DDAH1: variants seen among roughly 807,000 people sequenced by gnomAD.
DDAH1 encodes the protein dimethylarginine dimethylaminohydrolase 1.
Under a neutral mutation model 28.8 loss-of-function variants are expected in DDAH1, and 19 were observed. The observed-to-expected ratio is 0.66, with a 90% CI of 0.46 to 0.97. DDAH1 has a LOEUF of 0.97. Among genes scored for constraint, DDAH1 ranks in the 50% least tolerant of loss-of-function variants. The pLI is 0.00. For missense variants in DDAH1, 326 were observed against 375.9 expected (o/e 0.87, Z 1.10); for synonymous variants, 153 against 154.4 (o/e 0.99, Z 0.07).
At chr1:85,356,917 G>A (rs1649517695) in intron 2 of DDAH1, among the ~76,000 whole-genome samples, 3 of 152,154 alleles carry the variant, frequency 2.0e-5, no homozygotes, top group Admixed American at 6.6e-5. Flanking sequence ...AAAATAAATG[G>A]TTGTGAACAT....
chr1:85,556,535 A>T (rs553546143), intron 1 of DDAH1, among the ~76,000 whole-genome samples: 66 of 152,296 alleles, frequency 4.3e-4, no homozygotes, highest in Admixed American at 3.8e-3. Context: ...ACAAGACAAC[A>T]TTATCTAGAT....
intron 1 of DDAH1, among the ~76,000 whole-genome samples, chr1:85,434,817 C>A (rs1008879986): frequency 2.0e-5 from 3 of 151,798 alleles, no homozygotes; most frequent in Non-Finnish European, 4.4e-5. Context: ...TAACTTACTT[C>A]CCAAGCAAAA....
chr1:85,444,893 T>C (rs1654363952), intron 1 of DDAH1, among the ~76,000 whole-genome samples: 1 of 152,112 alleles, frequency 6.6e-6, no homozygotes, highest in Admixed American at 6.5e-5. Context: ...GTTTATTAAG[T>C]ATTAACTCAC....
At chr1:85,329,281 G>A (rs1647617705) in intron 4 of DDAH1, among the ~76,000 whole-genome samples, 1 of 152,118 alleles carries the variant, frequency 6.6e-6, no homozygotes, top group South Asian at 2.1e-4. Context: ...GAAGTGACAG[G>A]GCCTGTCCAG....
chr1:85,536,007 T>A (rs564324402), intron 1 of DDAH1, among the ~76,000 whole-genome samples: 1 of 152,144 alleles, frequency 6.6e-6, no homozygotes, highest in East Asian at 2.0e-4. Context: ...GTGCTTGTAA[T>A]CCCATCACTT....
intron 1 of DDAH1, among the ~76,000 whole-genome samples, chr1:85,412,466 A>C (rs1311881632): frequency 6.6e-6 from 1 of 152,186 alleles, no homozygotes; most frequent in Non-Finnish European, 1.5e-5. Context: ...ACTGGCTCTA[A>C]GCCTTTGCTC....
At chr1:85,553,730 G>A (rs1391345581) in intron 1 of DDAH1, among the ~76,000 whole-genome samples, 1 of 152,146 alleles carries the variant, frequency 6.6e-6, no homozygotes, top group Non-Finnish European at 1.5e-5. Context: ...CTGCATCTGG[G>A]GACTGTCAGC....
chr1:85,525,767 A>G (rs1235307423), intron 1 of DDAH1, among the ~76,000 whole-genome samples: 2 of 152,064 alleles, frequency 1.3e-5, no homozygotes, highest in Admixed American at 6.6e-5. Context: ...CAAGAGAGTA[A>G]TTTTAGAGAA....
At chr1:85,485,213 T>A (rs572486005) in intron 2 of DDAH1, among the ~76,000 whole-genome samples, 29 of 152,136 alleles carry the variant, frequency 1.9e-4, no homozygotes, top group Admixed American at 1.6e-3. Context: ...ATAATGACAA[T>A]GACAACACAG....
chr1:85,542,893 T>C (rs957151545), intron 1 of DDAH1, among the ~76,000 whole-genome samples: 2 of 152,214 alleles, frequency 1.3e-5, no homozygotes, highest in African/African-American at 4.8e-5. Flanking sequence ...TACAATATTA[T>C]GTTTCCTTTT....
chr1:85,422,029 A>G (rs978397234), intron 1 of DDAH1, among the ~76,000 whole-genome samples: 6 of 152,188 alleles, frequency 3.9e-5, no homozygotes, highest in African/African-American at 1.2e-4. Context: ...TGTTCTTACT[A>G]GCAATAAAAA....
At chr1:85,412,714 T>G (rs1485042631) in intron 1 of DDAH1, among the ~76,000 whole-genome samples, 3 of 152,262 alleles carry the variant, frequency 2.0e-5, no homozygotes, top group Middle Eastern at 3.4e-3. Context: ...ATAAAATATT[T>G]TGAGGGCCAG....
chr1:85,329,979 T>G (rs1647663220), intron 4 of DDAH1, among the ~76,000 whole-genome samples: 2 of 152,244 alleles, frequency 1.3e-5, no homozygotes, highest in Admixed American at 1.3e-4. Context: ...AAAGAGATTT[T>G]GTCTTTCGAG....
intron 2 of DDAH1, chr1:85,495,450 T>C (rs1656554034): frequency 1.3e-5 from 2 of 152,198 alleles, no homozygotes; most frequent in Admixed American, 1.3e-4. Context: ...AATGGGCAGA[T>C]GTAATTGTTG....
rs1422069870 is a variant in DDAH1, at chr1:85,473,148, A to G, written c.-7+23018T>C. 2.0e-5 allele frequency among the ~76,000 whole-genome samples: 3 copies of G among 152,330 alleles called. No homozygotes were observed. In the East Asian group the frequency reaches 5.8e-4, roughly 29 times the overall value. On this transcript the variant is annotated intron_variant, in intron 2 of 6. Coordinates refer to the DDAH1 transcript ENST00000426972. ...ACTGATGGACACCTAGGTTGATTAC[A>G]TTACTTTGCTCTTGTGAGTAGTGCT...
At chr1:85,327,922 C>T (rs1315960558) in intron 4 of DDAH1, among the ~76,000 whole-genome samples, 1 of 152,196 alleles carries the variant, frequency 6.6e-6, no homozygotes, top group African/African-American at 2.4e-5. Flanking sequence ...TATGTTTGCA[C>T]TAACTGGTTC....
chr1:85,418,322 G>A (rs1247012502), intron 1 of DDAH1, among the ~76,000 whole-genome samples: 2 of 152,142 alleles, frequency 1.3e-5, no homozygotes, highest in Non-Finnish European at 2.9e-5. Flanking sequence ...AGGTTAATTT[G>A]TTTTTTGTCC....
intron 1 of DDAH1, among the ~76,000 whole-genome samples, chr1:85,557,065 C>T (rs1417118446): frequency 1.3e-5 from 2 of 152,022 alleles, no homozygotes; most frequent in African/African-American, 4.8e-5. Flanking sequence ...TGCAGTGAGC[C>T]GAGATCATAC....
upstream of DDAH1, among the ~76,000 whole-genome samples, chr1:85,466,832 C>CTTTTTTTTTTTTTTTTTTTTTTT (rs10675813): frequency 9.9e-5 from 7 of 70,738 alleles, 1 homozygote; most frequent in African/African-American, 2.9e-4. Context: ...ATTATTTATT[C>CTTTTTTTTTTTTTTTTTTTTTTT]TTTTTTTTTT....
Sources: gnomAD v4.1 joint callset for allele counts (sites outside exome capture counted in the v4.1 genomes callset) on GRCh38, gnomAD v4.1.1 for gene constraint, MANE v1.5 for transcripts, NCBI Gene and HGNC (gene_info 2026-07-23, HGNC 2026-07-21) for gene names.